Variants in RTCB observed in about 807,000 individuals in gnomAD.
RTCB encodes the protein RNA-splicing ligase RTCB.
In RTCB, 32 loss-of-function variants were observed where a neutral mutation model predicts 58.2. The ratio of observed to expected loss-of-function variants is 0.55; its 90% confidence interval spans 0.41 to 0.74. The LOEUF (loss-of-function observed/expected upper bound fraction) is 0.74. Ranked by LOEUF, RTCB falls within the 30% of genes least tolerant of loss-of-function variation. The probability of loss-of-function intolerance (pLI) is 0.00; values close to 1 mark genes in which losing one functional copy is unlikely to be tolerated. For synonymous variants in RTCB, 247 were observed against 218.6 expected (o/e 1.13, Z -1.15); for missense variants, 523 against 639.0 (o/e 0.82, Z 1.96).
In RTCB at chr22:32,401,840, T is replaced by C. The variant is rs956740566; in HGVS notation, c.404A>G (p.Asp135Gly). Residue 135 changes from aspartate (D) to glycine (G), a missense_variant, in exon 5 of 12, where the codon GAT becomes GGT. Asp to Gly is a moderately conservative substitution (Grantham distance 94, BLOSUM62 -1). Coordinates refer to ENST00000216038, the MANE Select transcript of RTCB (RefSeq NM_014306.5). ...AAGTTGCTCCTTCACAGGCTGGACA[T>C]CACTTTCATCTAAATTGGTTCTTAG... ...RLLRTNLDES[D>G]VQPVKEQLAQ... 8.7e-6 allele frequency: 14 copies of C among 1,614,090 alleles called. No homozygotes were observed. Among genetic ancestry groups the C allele is most frequent in the Non-Finnish European group, 1.1e-5 (13 of 1,179,962 alleles).
intron 1 of RTCB, among the ~76,000 whole-genome samples, chr22:32,410,016 A>C (rs1933493369): frequency 6.6e-6 from 1 of 152,042 alleles, no homozygotes; most frequent in South Asian, 2.1e-4. Flanking sequence ...ACGAAGTTTC[A>C]CGTGTTAGCC....
chr22:32,398,166 A>C (rs954496243), intron 6 of RTCB, 66 bp from the exon 7 acceptor site: 2 of 1,540,754 alleles, frequency 1.3e-6, no homozygotes, highest in African/African-American at 2.8e-5. Context: ...CTATTTAAAA[A>C]CCAAAAAGAT....
chr22:32,406,714 A>C lies in RTCB; in HGVS notation c.288T>G (p.Ile96Met). ...PDVHSGYGFAIGNMAAFDMND... is the reference protein window; with the variant it reads ...PDVHSGYGFAMGNMAAFDMND... ...TCATATCAAAGGCTGCCATGTTCCC[A>C]ATAGCAAACCCATATCCTGAATGGA... is the stretch of plus-strand genomic sequence containing the variant. Residue 96 changes from isoleucine to methionine, a missense_variant, in exon 4 of 12, where the codon ATT becomes ATG. By Grantham distance (10) the Ile-to-Met change is conservative. This residue lies in a region of RTCB where 134 missense variants were observed against 129.9 expected (regional missense o/e 1.03). Transcript: ENST00000216038. 6.2e-7 allele frequency: 1 copy of C among 1,613,016 alleles called. No homozygotes were observed.
At chr22:32,392,514 T>C in intron 10 of RTCB, 155 bp from the exon 11 acceptor site, 1 of 985,520 alleles carries the variant, frequency 1.0e-6, no homozygotes, top group Non-Finnish European at 1.6e-6. Context: ...TCCTTTTAGA[T>C]TTTGGACCGG....
At chr22:32,392,483 G>A (rs1289640643) in intron 10 of RTCB, 124 bp from the exon 11 acceptor site, 2 of 1,268,240 alleles carry the variant, frequency 1.6e-6, no homozygotes, top group Admixed American at 3.9e-5. Context: ...ATTGGTAACA[G>A]GCCTTTTAAA....
chr22:32,404,767 C>T (rs1279627547), intron 4 of RTCB, among the ~76,000 whole-genome samples: 1 of 152,164 alleles, frequency 6.6e-6, no homozygotes, highest in African/African-American at 2.4e-5. Flanking sequence ...CAACCTCTGC[C>T]TCCTAGACCC....
chr22:32,394,763 T>C (rs943748431), intron 9 of RTCB, among the ~76,000 whole-genome samples: 3 of 152,136 alleles, frequency 2.0e-5, no homozygotes, highest in African/African-American at 7.2e-5. Context: ...ACTCCTGTCT[T>C]CCACTAATTC....
intron 1 of RTCB, among the ~76,000 whole-genome samples, chr22:32,410,318 A>C (rs1489450648): frequency 6.6e-6 from 1 of 152,196 alleles, no homozygotes; most frequent in Non-Finnish European, 1.5e-5. Flanking sequence ...CTAGGAACTA[A>C]ACGCAAAAAT....
intron 10 of RTCB, 100 bp from the exon 11 acceptor site, chr22:32,392,459 T>C (rs1454529631): frequency 6.8e-7 from 1 of 1,475,740 alleles, no homozygotes; most frequent in Non-Finnish European, 9.4e-7. Flanking sequence ...AAAACATCTT[T>C]TTTACTTTAT....
chr22:32,392,110 T>C (rs1462591817), intron 11 of RTCB, 130 bp downstream of exon 11: 4 of 936,452 alleles, frequency 4.3e-6, no homozygotes, highest in Non-Finnish European at 6.3e-6. Flanking sequence ...TAAGCCAAAA[T>C]TGAGGTCATA....
chr22:32,407,187 A>T, intron 3 of RTCB: 1 of 171,108 alleles, frequency 5.8e-6, no homozygotes, highest in Admixed American at 5.6e-5. Flanking sequence ...TTGATGGTAT[A>T]AATACTGTAG....
At position 32,388,136 on chromosome 22, in the gene RTCB, T is replaced by C. The variant is rs746519796; in HGVS notation, c.1411-37A>G. 6.2e-6 allele frequency: 8 copies of C among 1,284,508 alleles called. No individual in the cohort carries two copies. The East Asian group carries it at 1.9e-4, about 30-fold the overall frequency. The allele number at this position is 1,284,508 out of a possible 1,614,324, so 79.6% of individuals were successfully genotyped here. A position where few individuals can be genotyped will look rare whatever the true frequency, so the allele number is the denominator to read the frequency against. On this transcript the variant is annotated intron_variant, in intron 11 of 11. Coordinates refer to ENST00000216038, the MANE Select transcript of RTCB (RefSeq NM_014306.5). ...GAATTTAAACATTGTACAAGTCCACTGAAAACACAGTCTTTACAAGCACCA... is the reference window on the plus strand; with the variant it reads ...GAATTTAAACATTGTACAAGTCCACCGAAAACACAGTCTTTACAAGCACCA...
At chr22:32,406,507 G>A (rs1006591933) in intron 4 of RTCB, among the ~76,000 whole-genome samples, 155 bp downstream of exon 4, 3 of 152,070 alleles carry the variant, frequency 2.0e-5, no homozygotes, top group Non-Finnish European at 4.4e-5. Context: ...ATTTTTAATA[G>A]AGACACGGTT....
At chr22:32,394,734 T>C (rs773568069) in intron 9 of RTCB, among the ~76,000 whole-genome samples, 17 of 152,156 alleles carry the variant, frequency 1.1e-4, no homozygotes, top group Non-Finnish European at 2.2e-4. Flanking sequence ...GAGTTTACTC[T>C]GTCTTCTGTA....
At chr22:32,403,689 T>C (rs1933375050) in intron 4 of RTCB, among the ~76,000 whole-genome samples, 1 of 152,204 alleles carries the variant, frequency 6.6e-6, no homozygotes, top group South Asian at 2.1e-4. Flanking sequence ...CCTCAGCCTC[T>C]GAATTGCCTG....
intron 7 of RTCB, among the ~76,000 whole-genome samples, chr22:32,397,153 A>G (rs1259304121): frequency 6.6e-6 from 1 of 152,126 alleles, no homozygotes; most frequent in East Asian, 1.9e-4. Flanking sequence ...CCTTCTTTAA[A>G]AGTTTCTTTT....
Position 32,388,021 on chromosome 22 carries a change from G to A in RTCB, c.1489C>T (p.Leu497=). Residue 497 remains leucine (L), a synonymous_variant, in exon 12 of 12, where the codon CTG becomes TTG. Coordinates refer to ENST00000216038, the MANE Select transcript of RTCB (RefSeq NM_014306.5). ...CCTTTGATCACAGCAATTGGTCTCA[G>A]TTTAATGGCTTTCTTGCTGATTCCA... ...DAGISKKAIK[L]RPIAVIKG 1 of 1,613,900 alleles carries A rather than the reference G, an allele frequency of 6.2e-7. No individual in the cohort carries two copies. The highest frequency in any genetic ancestry group is 8.5e-7 in the Non-Finnish European group (1 of 1,179,772).
chr22:32,391,193 A>T (rs1933148511), intron 11 of RTCB, among the ~76,000 whole-genome samples: 1 of 152,208 alleles, frequency 6.6e-6, no homozygotes. Context: ...AGTAGCAAAA[A>T]TTTGGAAGCT....
In RTCB at chr22:32,400,029, TC is replaced by T. The variant is rs1601427941; in HGVS notation, c.498-271del. On this transcript the variant is annotated intron_variant, in intron 5 of 11. Coordinates refer to ENST00000216038, the MANE Select transcript of RTCB (RefSeq NM_014306.5). ...ATACTGCTCCTTGTTAATTTTCAAATCTTTTTTATATTCAGTTTTGCCTCTC... is the reference window on the plus strand; with the variant it reads ...ATACTGCTCCTTGTTAATTTTCAAATTTTTTTATATTCAGTTTTGCCTCTC... The T allele has an allele frequency of 3.5e-5, 10 of 289,048 alleles. No individual in the cohort carries two copies. In the East Asian group the frequency reaches 6.1e-4, roughly 18 times the overall value. 17.9% of individuals were successfully genotyped at this position (289,048 alleles called of 1,614,324 possible).
Sources: allele counts gnomAD v4.1 joint callset (sites outside exome capture counted in the v4.1 genomes callset), GRCh38; gene constraint gnomAD v4.1.1; regional missense constraint gnomAD v4.1.1; transcripts MANE v1.5; gene names NCBI Gene and HGNC (gene_info 2026-07-23, HGNC 2026-07-21).